AKAP13: variants seen among roughly 807,000 people sequenced by gnomAD.
AKAP13 encodes the protein A-kinase anchoring protein 13, also known as A-kinase anchor protein 13.
Under a neutral mutation model 264.5 loss-of-function variants are expected in AKAP13, and 80 were observed. The observed-to-expected ratio is 0.30, with a 90% CI of 0.25 to 0.36. The LOEUF (loss-of-function observed/expected upper bound fraction) is 0.36. Ranked by LOEUF, AKAP13 falls within the 10% of genes least tolerant of loss-of-function variation. The pLI is 1.00. For synonymous variants in AKAP13, 1,380 were observed against 1,250.2 expected, an observed-to-expected ratio of 1.10 and a Z score of -2.19; for missense variants, 3,712 against 3,435.2, an observed-to-expected ratio of 1.08 and a Z score of -2.01.
At chr15:85,516,246 C>T (rs2076593312) in intron 2 of AKAP13, among the ~76,000 whole-genome samples, 1 of 152,186 alleles carries the variant, frequency 6.6e-6, no homozygotes, top group Non-Finnish European at 1.5e-5. Flanking sequence ...AGGTGCTTTC[C>T]TTTTATCAAT....
At chr15:85,472,732 A>G (rs556521669) in intron 1 of AKAP13, among the ~76,000 whole-genome samples, 4 of 152,356 alleles carry the variant, frequency 2.6e-5, no homozygotes, top group Admixed American at 2.6e-4. Context: ...TAATTTCCCC[A>G]CTTGAACTAA....
In AKAP13 at chr15:85,715,888, G is replaced by T. The variant is rs770916231; in HGVS notation, c.5700G>T (p.Ser1900=). ...ATAGACGATCCCAGCAGAGTGTCTC[G>T]CTCTCCAAAAGTGTCTCCATACAGA... ...FANRRSQQSV[S]LSKSVSIQNI... The change falls in exon 20 of 37, where the codon TCG becomes TCT. Residue 1900 remains serine (S), a synonymous_variant. Coordinates refer to ENST00000394518, the MANE Select transcript of AKAP13 (RefSeq NM_007200.5). The T allele has an allele frequency of 6.2e-7, 1 of 1,612,472 alleles. No homozygotes were observed. Among genetic ancestry groups the T allele is most frequent in the African/African-American group, 1.3e-5 (1 of 74,592 alleles).
At chr15:85,634,305 A>G (rs1375861363) in intron 8 of AKAP13, among the ~76,000 whole-genome samples, 1 of 152,218 alleles carries the variant, frequency 6.6e-6, no homozygotes, top group Non-Finnish European at 1.5e-5. Context: ...CTTTGTCAGC[A>G]GAAGAGTTTA....
intron 8 of AKAP13, among the ~76,000 whole-genome samples, chr15:85,630,462 C>T (rs1170262596): frequency 1.3e-5 from 2 of 152,174 alleles, no homozygotes; most frequent in Non-Finnish European, 2.9e-5. Context: ...GTCTACTATG[C>T]AAGATGCTAT....
chr15:85,707,149 C>T (rs538410739), intron 17 of AKAP13, among the ~76,000 whole-genome samples: 1 of 152,290 alleles, frequency 6.6e-6, no homozygotes, highest in African/African-American at 2.4e-5. Context: ...CGAGTGTCCC[C>T]ACAGGCCGAT....
chr15:85,465,440 T>C (rs1199057348), intron 1 of AKAP13, among the ~76,000 whole-genome samples: 2 of 150,444 alleles, frequency 1.3e-5, no homozygotes, highest in African/African-American at 4.9e-5. Context: ...CATGCTGGTG[T>C]GCCGCACCCA....
intron 3 of AKAP13, among the ~76,000 whole-genome samples, chr15:85,532,368 C>T (rs957075996): frequency 1.3e-5 from 2 of 152,186 alleles, no homozygotes; most frequent in African/African-American, 2.4e-5. Context: ...GGCCTGTGCC[C>T]GTGGTATGGA....
intron 32 of AKAP13, 63 bp from the exon 33 acceptor site, chr15:85,736,027 C>A (rs1036810762): frequency 2.9e-5 from 37 of 1,285,856 alleles, no homozygotes; most frequent in Non-Finnish European, 4.0e-5. Flanking sequence ...CACAGAAACA[C>A]ACTGAATGTC....
chr15:85,436,885 C>T (rs2073326584), intron 1 of AKAP13, among the ~76,000 whole-genome samples: 2 of 151,986 alleles, frequency 1.3e-5, no homozygotes, highest in African/African-American at 2.4e-5. Context: ...AAAATTGACA[C>T]CCTAACATCA....
At position 85,613,629 on chromosome 15, in the gene AKAP13, C is replaced by T. The variant is rs572199956; in HGVS notation, c.4162-25745C>T. Among the ~76,000 whole-genome samples the T allele has an allele frequency of 6.3e-5, 9 of 142,180 alleles. No homozygotes were observed. In the East Asian group the frequency reaches 1.3e-3, roughly 21 times the overall value. The allele number at this position is 142,180 out of a possible 152,430, so 93.3% of individuals were successfully genotyped here. On this transcript the variant is annotated intron_variant, in intron 8 of 36. Coordinates refer to ENST00000394518, the MANE Select transcript of AKAP13 (RefSeq NM_007200.5). ...CCCGGAGGCGGAGCTTGCAGTGAGC[C>T]GAGATCTCACCACTGCACTCCAGCC...
At chr15:85,698,285 G>A (rs898435974) in intron 17 of AKAP13, among the ~76,000 whole-genome samples, 11 of 151,476 alleles carry the variant, frequency 7.3e-5, no homozygotes, top group African/African-American at 2.2e-4. Context: ...TGGCCAATGC[G>A]GTGAAACCCC....
At position 85,589,917 on chromosome 15, in the gene AKAP13, GTTCTGTCTTTCCTGAATAGCT is replaced by G. The variant is rs370528163; in HGVS notation, c.4161+4097_4161+4117del. On this transcript the variant is annotated intron_variant, in intron 8 of 36. Transcript: ENST00000394518. Reference sequence around the variant, plus strand: ...AACTACAGGTTGGGAGTGGGATCAAGTTCTGTCTTTCCTGAATAGCTTTTTGACAGCCTCTCTAGGGCTCAG... The same window carrying G: ...AACTACAGGTTGGGAGTGGGATCAAGTTTTGACAGCCTCTCTAGGGCTCAG... 6.3e-3 allele frequency among the ~76,000 whole-genome samples: 963 copies of G among 152,298 alleles called. 11 individuals are homozygous for G. Among genetic ancestry groups the G allele is most frequent in the African/African-American group, 0.022 (903 of 41,562 alleles).
chr15:85,548,576 A>T (rs1268696159), intron 5 of AKAP13, among the ~76,000 whole-genome samples: 1 of 152,136 alleles, frequency 6.6e-6, no homozygotes, highest in Non-Finnish European at 1.5e-5. Flanking sequence ...TTCTGCCTAC[A>T]TCACAAGGTT....
At chr15:85,484,639 G>A (rs1025102803) in intron 1 of AKAP13, among the ~76,000 whole-genome samples, 5 of 152,136 alleles carry the variant, frequency 3.3e-5, no homozygotes, top group African/African-American at 1.2e-4. Flanking sequence ...CTGCCTTTTG[G>A]TGAAGTCTTG....
At chr15:85,465,811 A>G (rs2074715626) in intron 1 of AKAP13, among the ~76,000 whole-genome samples, 1 of 150,514 alleles carries the variant, frequency 6.6e-6, no homozygotes, top group Non-Finnish European at 1.5e-5. Flanking sequence ...CGCAATAAAC[A>G]TACGTGTGCA....
At chr15:85,730,057 G>A (rs576164035) in intron 29 of AKAP13, among the ~76,000 whole-genome samples, 1 of 152,322 alleles carries the variant, frequency 6.6e-6, no homozygotes, top group East Asian at 1.9e-4. Flanking sequence ...AGTGTCCTGA[G>A]AAAGAATGGT....
intron 5 of AKAP13, among the ~76,000 whole-genome samples, chr15:85,567,664 G>A (rs558569641): frequency 6.0e-4 from 92 of 152,166 alleles, no homozygotes; most frequent in Non-Finnish European, 1.0e-3. Context: ...GTGCATGTCC[G>A]GTTCTGCTTT....
intron 14 of AKAP13, among the ~76,000 whole-genome samples, chr15:85,679,558 C>G (rs1040485101): frequency 6.6e-6 from 1 of 152,114 alleles, no homozygotes; most frequent in Non-Finnish European, 1.5e-5. Context: ...AGGCAGTGTT[C>G]AATATACTGT....
chr15:85,599,206 CT>C (rs2079948009), intron 8 of AKAP13, among the ~76,000 whole-genome samples: 1 of 152,206 alleles, frequency 6.6e-6, no homozygotes, highest in Non-Finnish European at 1.5e-5. Flanking sequence ...TAAATCCTGG[CT>C]TTCCTGACAT....
Sources: allele counts gnomAD v4.1 joint callset (sites outside exome capture counted in the v4.1 genomes callset), GRCh38; gene constraint gnomAD v4.1.1; transcripts MANE v1.5; gene names NCBI Gene and HGNC (gene_info 2026-07-23, HGNC 2026-07-21).